SOX5: variants seen among roughly 807,000 people sequenced by gnomAD.
The protein encoded by SOX5 is transcription factor SOX-5.
SOX5 carries 9 observed loss-of-function variants against 92.0 expected under a neutral mutation model. The ratio of observed to expected loss-of-function variants is 0.10; its 90% CI spans 0.06 to 0.17. The LOEUF (loss-of-function observed/expected upper bound fraction) is 0.17, where lower values mean the gene tolerates loss of function less well. SOX5 is among the 10% of genes least tolerant of loss of function. The pLI, the probability that SOX5 is intolerant of heterozygous loss-of-function variation, is 1.00. For missense variants in SOX5, 642 were observed against 944.5 expected (o/e 0.68, Z 4.20); for synonymous variants, 344 against 336.3 (o/e 1.02, Z -0.25).
At chr12:23,927,855 C>T (rs1396732759) in intron 1 of SOX5, among the ~76,000 whole-genome samples, 1 of 151,964 alleles carries the variant, frequency 6.6e-6, no homozygotes, top group Non-Finnish European at 1.5e-5. Context: ...ATATCATGTT[C>T]CGCAAAACAT....
intron 1 of SOX5, among the ~76,000 whole-genome samples, chr12:24,434,601 A>G (rs1939041901): frequency 6.6e-6 from 1 of 152,128 alleles, no homozygotes; most frequent in Non-Finnish European, 1.5e-5. Flanking sequence ...TGATTGGATC[A>G]TGGGGGCAGT....
At chr12:23,776,580 A>G (rs2095107635) in intron 3 of SOX5, among the ~76,000 whole-genome samples, 1 of 152,200 alleles carries the variant, frequency 6.6e-6, no homozygotes, top group Non-Finnish European at 1.5e-5. Flanking sequence ...AGTGGTCCCC[A>G]ACCTTTTTAG....
At chr12:23,816,870 G>A (rs1481362187) in intron 3 of SOX5, among the ~76,000 whole-genome samples, 3 of 152,090 alleles carry the variant, frequency 2.0e-5, no homozygotes, top group East Asian at 1.9e-4. Context: ...CACATCACAC[G>A]CCACTGAGGC....
intron 1 of SOX5, among the ~76,000 whole-genome samples, chr12:23,943,913 A>G (rs1475765851): frequency 6.6e-6 from 1 of 152,138 alleles, no homozygotes; most frequent in Non-Finnish European, 1.5e-5. Flanking sequence ...GGAAAATGAT[A>G]CAAAAGAAAC....
At chr12:23,742,452 T>C (rs1157022577) in intron 4 of SOX5, among the ~76,000 whole-genome samples, 1 of 152,096 alleles carries the variant, frequency 6.6e-6, no homozygotes, top group African/African-American at 2.4e-5. Flanking sequence ...TCCATCAGAA[T>C]GAATGAACAC....
chr12:24,074,630 CA>C (rs76320418), intron 4 of SOX5, among the ~76,000 whole-genome samples: 1,017 of 51,238 alleles, frequency 0.02, 7 homozygotes, highest in South Asian at 0.12. Flanking sequence ...TGTAAACTAC[CA>C]AAAAAAAAAA....
chr12:24,368,212 ATTG>A (rs1223607036), intron 2 of SOX5: 1 of 152,152 alleles, frequency 6.6e-6, no homozygotes, highest in Non-Finnish European at 1.5e-5. Flanking sequence ...AGAAATGTAC[ATTG>A]TTGCTAATGT....
At position 23,563,337 on chromosome 12, in the gene SOX5, A is replaced by G; in HGVS notation, c.1409T>C (p.Leu470Pro). 6.2e-7 allele frequency: 1 copy of G among 1,614,020 alleles called. No individual in the cohort carries two copies. The highest frequency in any genetic ancestry group is 8.5e-7 in the Non-Finnish European group (1 of 1,179,906). ...IQEARQMKEQ[L>P]RREQQVLDGK... Reference sequence around the variant, plus strand: ...ATCAAGCACCTGTTGTTCCCGTCGGAGTTGCTCCTTCATTTGCCGAGCTTC... The same window carrying G: ...ATCAAGCACCTGTTGTTCCCGTCGGGGTTGCTCCTTCATTTGCCGAGCTTC... Residue 470 changes from leucine (L) to proline (P), a missense_variant, in exon 11 of 15, where the codon CTC becomes CCC. Coordinates refer to ENST00000451604, the MANE Select transcript of SOX5 (RefSeq NM_006940.6).
At chr12:24,055,894 C>T (rs1241397847) in intron 4 of SOX5, among the ~76,000 whole-genome samples, 1 of 151,984 alleles carries the variant, frequency 6.6e-6, no homozygotes, top group Non-Finnish European at 1.5e-5. Flanking sequence ...GGTGGCTGAC[C>T]CTCCATGAAG....
At chr12:24,335,329 A>G (rs1951769288) in intron 2 of SOX5, among the ~76,000 whole-genome samples, 1 of 152,220 alleles carries the variant, frequency 6.6e-6, no homozygotes, top group East Asian at 1.9e-4. Context: ...AATTAAAAAA[A>G]TCTCTGTAAG....
chr12:24,391,377 TG>T (rs2136488510), intron 1 of SOX5, among the ~76,000 whole-genome samples: 1 of 152,292 alleles, frequency 6.6e-6, no homozygotes, highest in South Asian at 2.1e-4. Context: ...TGAGATAAAA[TG>T]GGTAAAAGTA....
chr12:23,882,273 TAATA>T (rs1361285407), intron 2 of SOX5, among the ~76,000 whole-genome samples: 1 of 151,788 alleles, frequency 6.6e-6, no homozygotes, highest in Non-Finnish European at 1.5e-5. Flanking sequence ...AACACGATAA[TAATA>T]AATGAAGGAC....
chr12:24,079,582 C>A (rs117119486), intron 4 of SOX5, among the ~76,000 whole-genome samples: 2,171 of 152,002 alleles, frequency 0.014, 26 homozygotes, highest in Non-Finnish European at 0.021. Context: ...CCTAATCCTG[C>A]AACGACACTG....
At chr12:23,667,892 A>G (rs945940109) in intron 6 of SOX5, among the ~76,000 whole-genome samples, 1 of 152,242 alleles carries the variant, frequency 6.6e-6, no homozygotes, top group Admixed American at 6.5e-5. Context: ...GACTAAAAAC[A>G]CATCTCAAAA....
intron 3 of SOX5, among the ~76,000 whole-genome samples, chr12:23,841,263 T>C (rs1337343594): frequency 6.6e-6 from 1 of 152,084 alleles, no homozygotes; most frequent in African/African-American, 2.4e-5. Context: ...AAGGAGATAC[T>C]ACTACACACC....
In SOX5 at chr12:23,550,396, T is replaced by A. The variant is rs566880447; in HGVS notation, c.1489-3972A>T. The stretch of plus-strand genomic sequence containing the variant: ...GAATCCTAATTTGTAAAATGATAGT[T>A]AAACATGTGTTAGATTCTCATTAGT... On this transcript the variant is annotated intron_variant, in intron 11 of 14. Coordinates refer to ENST00000451604, the MANE Select transcript of SOX5 (RefSeq NM_006940.6). 1.0e-3 allele frequency among the ~76,000 whole-genome samples: 152 copies of A among 152,052 alleles called. 1 individual carries two copies. Among genetic ancestry groups the A allele is most frequent in the Non-Finnish European group, 1.9e-3 (132 of 67,874 alleles).
At chr12:23,814,692 TTG>T (rs1350405273) in intron 3 of SOX5, among the ~76,000 whole-genome samples, 1 of 152,228 alleles carries the variant, frequency 6.6e-6, no homozygotes, top group African/African-American at 2.4e-5. Context: ...GGAAAGATTA[TTG>T]TGTTAGCCAT....
At chr12:23,955,678 C>G (rs563691141), upstream of SOX5, among the ~76,000 whole-genome samples, 33 of 151,818 alleles carry the variant, frequency 2.2e-4, no homozygotes, top group Non-Finnish European at 3.7e-4. Flanking sequence ...ATGGTTTGTT[C>G]GCTTATGAAG....
rs546473996 is a variant in SOX5, at chr12:24,006,614, T to G, written c.-1-110590A>C. ...TCCAGGATTGTCTTCATCCACTCCT[T>G]CCAGGATTGGGTAGACAAATCTGCC... is the stretch of plus-strand genomic sequence containing the variant. On this transcript the variant is annotated intron_variant, in intron 4 of 4. Coordinates refer to the SOX5 transcript ENST00000446891. Among the ~76,000 whole-genome samples the G allele has an allele frequency of 7.9e-5, 12 of 152,258 alleles. No individual in the cohort carries two copies. The South Asian group carries it at 2.3e-3, about 29-fold the overall frequency.
Sources: allele counts gnomAD v4.1 joint callset (sites outside exome capture counted in the v4.1 genomes callset), GRCh38; gene constraint gnomAD v4.1.1; transcripts MANE v1.5; gene names NCBI Gene and HGNC (gene_info 2026-07-23, HGNC 2026-07-21).